The following ARL5A variants were observed in gnomAD, a reference collection of about 807,000 sequenced individuals.
ARL5A encodes ARF like GTPase 5A.
A neutral mutation model predicts 25.9 loss-of-function variants in ARL5A; 18 were observed. The ratio of observed to expected loss-of-function variants is 0.69; its 90% confidence interval spans 0.48 to 1.03. ARL5A has a LOEUF of 1.03. ARL5A is among the 50% of genes least tolerant of loss of function. ARL5A has a pLI of 0.00. For synonymous variants in ARL5A, 61 were observed against 67.5 expected (o/e 0.90, Z 0.47); for missense variants, 170 against 211.9 (o/e 0.80, Z 1.23).
chr2:151,806,837 C>T lies in ARL5A; in HGVS notation c.475G>A (p.Ala159Thr), dbSNP rs2099830170. 6.2e-7 allele frequency: 1 copy of T among 1,607,944 alleles called. No individual in the cohort carries two copies. The highest frequency in any genetic ancestry group is 8.5e-7 in the Non-Finnish European group (1 of 1,178,424). Residue 159 changes from alanine to threonine, a missense_variant, in exon 5 of 6, where the codon GCT (alanine) becomes ACT (threonine). By Grantham distance (58) the Ala-to-Thr change is moderately conservative. Coordinates refer to ENST00000295087, the MANE Select transcript of ARL5A (RefSeq NM_012097.4). ...ATGTCTTACCCCTCGCCAGTTAGAG[C>T]ACAGCATGCCTGGATATGCCACTGG... is the stretch of plus-strand genomic sequence containing the variant. ...DHQWHIQACC[A>T]LTGEGLCQGL...
rs953966393 is a variant in ARL5A at position 151,805,702 on chromosome 2, C to T, written c.491+1119G>A. On this transcript the variant is annotated intron_variant, in intron 5 of 5. Transcript: ENST00000295087. Reference sequence around the variant, plus strand: ...CTAAATTCTGTAGGTAACCATAACCCAATAGTAAGAACTTTTGTACTGAAA... The same window carrying T: ...CTAAATTCTGTAGGTAACCATAACCTAATAGTAAGAACTTTTGTACTGAAA... 7.0e-4 allele frequency among the ~76,000 whole-genome samples: 107 copies of T among 151,978 alleles called. 1 individual carries two copies. The highest frequency in any genetic ancestry group is 7.4e-5 in the Non-Finnish European group (5 of 67,956).
intron 5 of ARL5A, 110 bp downstream of exon 5, chr2:151,806,711 C>A (rs1645109881): frequency 1.8e-6 from 2 of 1,136,062 alleles, no homozygotes; most frequent in Non-Finnish European, 2.4e-6. Context: ...ACGTCTGTCC[C>A]TTACGATGTT....
chr2:151,814,487 C>T (rs917367507), intron 2 of ARL5A, among the ~76,000 whole-genome samples, 171 bp from the exon 3 acceptor site: 3 of 151,966 alleles, frequency 2.0e-5, no homozygotes, highest in East Asian at 1.9e-4. Flanking sequence ...GGAACTAGGT[C>T]GTAGGCTATC....
In ARL5A at chr2:151,803,423, C is replaced by T. The variant is rs1045370543; in HGVS notation, c.492-99G>A. The T allele has an allele frequency of 4.8e-6, 4 of 836,900 alleles. No individual in the cohort carries two copies. The Admixed American group carries it at 8.4e-5, about 18-fold the overall frequency. 51.8% of individuals were successfully genotyped at this position (836,900 alleles called of 1,614,324 possible). A position where few individuals can be genotyped will look rare whatever the true frequency, so the allele number is the denominator to read the frequency against. ...CTAAAAGAGAGCATTTTTCATTTAGCTAAATAACAAAGATTTAAAAATCAA... is the reference window on the plus strand; with the variant it reads ...CTAAAAGAGAGCATTTTTCATTTAGTTAAATAACAAAGATTTAAAAATCAA... On this transcript the variant is annotated intron_variant, in intron 5 of 5. Transcript: ENST00000295087.
intron 3 of ARL5A, among the ~76,000 whole-genome samples, chr2:151,813,619 A>C (rs1049018991): frequency 2.0e-5 from 3 of 152,132 alleles, no homozygotes; most frequent in Non-Finnish European, 4.4e-5. Flanking sequence ...TGAACACTAC[A>C]AAAACAACGG....
intron 4 of ARL5A, among the ~76,000 whole-genome samples, chr2:151,808,021 A>C (rs1041887673): frequency 6.6e-6 from 1 of 152,162 alleles, no homozygotes; most frequent in Admixed American, 6.5e-5. Context: ...CTTCCTTGAT[A>C]ATCTGTTCAA....
rs397951014 is a variant in ARL5A at position 151,828,199 on chromosome 2, C to CG, written c.-24_-23insC. The stretch of plus-strand genomic sequence containing the variant: ...CATTCTCGGGCAGCGGACCCCCCCC[C>CG]TCCAGACACCCGGGCCGCCTGGCTT... On this transcript the variant is annotated 5_prime_UTR_variant, in exon 1 of 6. Coordinates refer to ENST00000295087, the MANE Select transcript of ARL5A (RefSeq NM_012097.4). The CG allele has an allele frequency of 5.7e-5, 91 of 1,600,956 alleles. No individual in the cohort carries two copies. The South Asian group carries it at 7.6e-4, about 13-fold the overall frequency.
rs2099829416 is a variant in ARL5A, at chr2:151,801,553, A to G, written c.*1723T>C. ...AGTAATTTAAGATTTACTTTTGTAA[A>G]ACCATGTGGACAAATATTAAATGTT... On this transcript the variant is annotated 3_prime_UTR_variant, in exon 6 of 6. Transcript: ENST00000295087. 6.6e-6 allele frequency: 1 copy of G among 152,154 alleles called. No homozygotes were observed. The highest frequency in any genetic ancestry group is 2.4e-5 in the African/African-American group (1 of 41,448). The allele number at this position is 152,154 out of a possible 1,614,324, so 9.4% of individuals were successfully genotyped here. A position where few individuals can be genotyped will look rare whatever the true frequency, so the allele number is the denominator to read the frequency against.
At chr2:151,815,641 G>GT (rs1447273685) in intron 1 of ARL5A, among the ~76,000 whole-genome samples, 2 of 152,160 alleles carry the variant, frequency 1.3e-5, no homozygotes, top group African/African-American at 2.4e-5. Flanking sequence ...AAAAAGGTCA[G>GT]TTTTTTAAAT....
At chr2:151,824,327 T>C (rs1377787237) in intron 1 of ARL5A, among the ~76,000 whole-genome samples, 1 of 152,220 alleles carries the variant, frequency 6.6e-6, no homozygotes, top group Non-Finnish European at 1.5e-5. Flanking sequence ...CATATTAAAC[T>C]CATTTTTTAC....
rs1236868839 is a variant in ARL5A, at chr2:151,803,025, C to T, written c.*251G>A. The T allele has an allele frequency of 2.2e-6, 1 of 454,992 alleles. No individual in the cohort carries two copies. Among genetic ancestry groups the T allele is most frequent in the Non-Finnish European group, 4.0e-6 (1 of 253,058 alleles). 28.2% of individuals were successfully genotyped at this position (454,992 alleles called of 1,614,324 possible). ...TACTTACCATAGGCTACACAATGTC[C>T]TGAGAGGATTCATTATGAGAAAAAT... On this transcript the variant is annotated 3_prime_UTR_variant, in exon 6 of 6. Coordinates refer to ENST00000295087, the MANE Select transcript of ARL5A (RefSeq NM_012097.4).
intron 5 of ARL5A, among the ~76,000 whole-genome samples, chr2:151,805,930 C>T (rs1049978638): frequency 1.3e-5 from 2 of 151,898 alleles, no homozygotes; most frequent in Non-Finnish European, 2.9e-5. Flanking sequence ...CTATTTCCAA[C>T]CTCCTCTATT....
At chr2:151,814,073 C>T in intron 3 of ARL5A, 96 bp downstream of exon 3, 1 of 1,155,572 alleles carries the variant, frequency 8.7e-7, no homozygotes, top group Non-Finnish European at 1.2e-6. Flanking sequence ...TATTAACATA[C>T]TGTGATATTT....
chr2:151,818,765 C>A (rs780906802), intron 1 of ARL5A, among the ~76,000 whole-genome samples: 2 of 152,182 alleles, frequency 1.3e-5, no homozygotes, highest in African/African-American at 2.4e-5. Flanking sequence ...TATTAATACA[C>A]GCACTCATAA....
intron 2 of ARL5A, 28 bp downstream of exon 2, chr2:151,815,111 A>G: frequency 6.5e-7 from 1 of 1,538,632 alleles, no homozygotes; most frequent in Non-Finnish European, 8.9e-7. Context: ...CTAGAAATAA[A>G]ATAATTTTTA....
At chr2:151,820,590 T>C (rs923841440) in intron 1 of ARL5A, among the ~76,000 whole-genome samples, 2 of 129,056 alleles carry the variant, frequency 1.5e-5, no homozygotes, top group African/African-American at 2.9e-5. Flanking sequence ...AACCTGGGAG[T>C]CAGAGGTTGC....
At chr2:151,810,024 A>G (rs1456245898) in intron 4 of ARL5A, among the ~76,000 whole-genome samples, 1 of 152,162 alleles carries the variant, frequency 6.6e-6, no homozygotes, top group African/African-American at 2.4e-5. Context: ...TGGAGGTTGC[A>G]GTGAGCCGAT....
rs540485185 is a variant in ARL5A at position 151,802,037 on chromosome 2, A to T, written c.*1239T>A. The T allele has an allele frequency of 5.1e-4, 77 of 152,252 alleles. No individual in the cohort carries two copies. Among genetic ancestry groups the T allele is most frequent in the African/African-American group, 1.8e-3 (73 of 41,582 alleles). The allele number at this position is 152,252 out of a possible 1,614,324, so 9.4% of individuals were successfully genotyped here. ...GTTGTATCAATCAATTTTTAAGCCA[A>T]ATTCTTAAAATCATTCAAAAAACAC... On this transcript the variant is annotated 3_prime_UTR_variant, in exon 6 of 6. Coordinates refer to ENST00000295087, the MANE Select transcript of ARL5A (RefSeq NM_012097.4).
At chr2:151,815,087 G>A in intron 2 of ARL5A, 52 bp downstream of exon 2, 1 of 1,383,198 alleles carries the variant, frequency 7.2e-7, no homozygotes, top group Non-Finnish European at 1.0e-6. Context: ...CTATCACCCA[G>A]GCCAAAAAAG....
Sources: allele counts gnomAD v4.1 joint callset (sites outside exome capture counted in the v4.1 genomes callset), GRCh38; gene constraint gnomAD v4.1.1; transcripts MANE v1.5; gene names NCBI Gene and HGNC (gene_info 2026-07-23, HGNC 2026-07-21).